AUTS2: variants seen among roughly 807,000 people sequenced by gnomAD.
The protein encoded by AUTS2 is autism susceptibility gene 2 protein.
Under a neutral mutation model 112.4 loss-of-function variants are expected in AUTS2, and 17 were observed. The observed-to-expected ratio is 0.15, with a 90% CI of 0.10 to 0.23. The LOEUF is 0.23. Ranked by LOEUF, AUTS2 falls within the 10% of genes least tolerant of loss-of-function variation. The pLI, the probability that AUTS2 is intolerant of heterozygous loss-of-function variation, is 1.00. For synonymous variants in AUTS2, 751 were observed against 702.7 expected (o/e 1.07, Z -1.09); for missense variants, 1,510 against 1,701.6 (o/e 0.89, Z 1.98).
At chr7:69,778,246 AT>A (rs67736075) in intron 1 of AUTS2, among the ~76,000 whole-genome samples, 1,737 of 128,084 alleles carry the variant, frequency 0.014, 25 homozygotes, top group African/African-American at 0.035. Context: ...ATATATATAT[AT>A]TTTTTTTTTT....
chr7:70,050,082 C>T lies in AUTS2; in HGVS notation c.523-68050C>T, dbSNP rs149083675. On this transcript the variant is annotated intron_variant, in intron 2 of 18. Transcript: ENST00000342771. ...TTAGAAGTAGACTTTTCTGGCCAGG[C>T]GCGGTGGCTCATGCCTCTAATCTCA... Among the ~76,000 whole-genome samples the T allele has an allele frequency of 6.2e-3, 946 of 152,004 alleles. 9 individuals are homozygous for T. Among genetic ancestry groups the T allele is most frequent in the East Asian group, 0.017 (88 of 5,154 alleles).
chr7:70,237,568 A>G (rs912401438), intron 4 of AUTS2, among the ~76,000 whole-genome samples: 1 of 152,204 alleles, frequency 6.6e-6, no homozygotes, highest in African/African-American at 2.4e-5. Flanking sequence ...TACCTTCAAA[A>G]TACCAAATCT....
chr7:70,370,750 A>G (rs534142802), intron 4 of AUTS2, among the ~76,000 whole-genome samples: 81 of 152,328 alleles, frequency 5.3e-4, no homozygotes, highest in African/African-American at 1.9e-3. Context: ...AGTAATTGCC[A>G]GACCATTTGC....
intron 5 of AUTS2, among the ~76,000 whole-genome samples, chr7:70,651,277 A>G (rs1412418007): frequency 6.6e-6 from 1 of 152,212 alleles, no homozygotes; most frequent in Non-Finnish European, 1.5e-5. Flanking sequence ...GGACCCAGGT[A>G]ATGTGGCTTC....
chr7:70,180,322 G>A (rs1809229228), intron 4 of AUTS2, among the ~76,000 whole-genome samples: 1 of 152,182 alleles, frequency 6.6e-6, no homozygotes, highest in Admixed American at 6.5e-5. Flanking sequence ...TTTGAAGAAG[G>A]ATGAATGTAG....
chr7:70,790,332 G>C lies in AUTS2; in HGVS notation c.3116G>C (p.Ser1039Thr), dbSNP rs771535030. The stretch of plus-strand genomic sequence containing the variant: ...ATTCACCCCATGAACAGCATCAGCA[G>C]CCTGGACAGGACTCGCATGATGACC... ...TGIHPMNSIS[S>T]LDRTRMMTPF... is the part of the protein sequence containing the mutation. The change falls in exon 19 of 19, where the codon AGC (serine) becomes ACC (threonine). Residue 1039 changes from serine to threonine, a missense_variant. Transcript: ENST00000342771. This position sits in a 1 kb window ranked among gnomAD's most constrained non-coding sequence, Gnocchi z 7.6. The C allele has an allele frequency of 6.2e-7, 1 of 1,613,794 alleles. No individual in the cohort carries two copies.
chr7:70,416,374 T>C (rs1449436387), intron 4 of AUTS2, among the ~76,000 whole-genome samples: 1 of 152,192 alleles, frequency 6.6e-6, no homozygotes, highest in East Asian at 1.9e-4. Flanking sequence ...AGTCCCCCAC[T>C]AGTGAGCACC....
chr7:69,730,384 T>G (rs923276457), intron 1 of AUTS2, among the ~76,000 whole-genome samples: 1 of 152,122 alleles, frequency 6.6e-6, no homozygotes. Flanking sequence ...ATCAATTCTG[T>G]CCCCACCTGC....
At chr7:70,052,857 A>G (rs1801818073) in intron 2 of AUTS2, among the ~76,000 whole-genome samples, 1 of 152,182 alleles carries the variant, frequency 6.6e-6, no homozygotes, top group Admixed American at 6.5e-5. Context: ...TTAGAGTCAC[A>G]GCCAGGATTA....
intron 2 of AUTS2, among the ~76,000 whole-genome samples, chr7:70,072,456 G>A (rs998067021): frequency 6.6e-6 from 1 of 152,172 alleles, no homozygotes; most frequent in Non-Finnish European, 1.5e-5. Context: ...GGTTTCTCTC[G>A]TTTTCCATTT....
At chr7:69,914,342 G>GACACAC (rs372734634) in intron 2 of AUTS2, among the ~76,000 whole-genome samples, 23 of 85,648 alleles carry the variant, frequency 2.7e-4, no homozygotes, top group Non-Finnish European at 4.4e-4. Flanking sequence ...CACAGACACA[G>GACACAC]ACACACACAC....
At chr7:70,175,111 CAAAATACCAA>C (rs1562763655) in intron 4 of AUTS2, among the ~76,000 whole-genome samples, 2 of 152,074 alleles carry the variant, frequency 1.3e-5, no homozygotes, top group Non-Finnish European at 2.9e-5. Flanking sequence ...AGGAGGAAAT[CAAAATACCAA>C]CATGAACAGG....
At chr7:70,398,034 C>A (rs563796415) in intron 4 of AUTS2, among the ~76,000 whole-genome samples, 1 of 152,164 alleles carries the variant, frequency 6.6e-6, no homozygotes, top group Non-Finnish European at 1.5e-5. Flanking sequence ...AAAGTGTTCC[C>A]GCACTGCTTA....
intron 2 of AUTS2, among the ~76,000 whole-genome samples, chr7:70,075,581 C>G (rs992978668): frequency 2.3e-4 from 35 of 152,120 alleles, no homozygotes; most frequent in African/African-American, 8.0e-4. Context: ...ATATGAAACC[C>G]TGTGTCTAGA....
intron 4 of AUTS2, among the ~76,000 whole-genome samples, chr7:70,236,383 A>G (rs1235308494): frequency 6.6e-6 from 1 of 152,212 alleles, no homozygotes; most frequent in Non-Finnish European, 1.5e-5. Flanking sequence ...ATTGGTGAGT[A>G]TATGTGACCT....
At chr7:70,738,679 G>A (rs6460551) in intron 6 of AUTS2, among the ~76,000 whole-genome samples, 10,022 of 152,132 alleles carry the variant, frequency 0.066, 451 homozygotes, top group Middle Eastern at 0.13. Context: ...CCCCAATCCC[G>A]GAGGAGCGGT....
chr7:69,617,012 T>C (rs181712019), intron 1 of AUTS2, among the ~76,000 whole-genome samples: 1 of 152,296 alleles, frequency 6.6e-6, no homozygotes, highest in African/African-American at 2.4e-5. Flanking sequence ...TAGATATCTA[T>C]TTTAATGGAG....
At chr7:70,405,451 C>T (rs1408771538) in intron 4 of AUTS2, among the ~76,000 whole-genome samples, 1 of 152,202 alleles carries the variant, frequency 6.6e-6, no homozygotes, top group Non-Finnish European at 1.5e-5. Flanking sequence ...CAAGCTTTTA[C>T]ATTCCATCAG....
At chr7:70,358,364 C>G (rs754329896) in intron 4 of AUTS2, among the ~76,000 whole-genome samples, 1 of 152,258 alleles carries the variant, frequency 6.6e-6, no homozygotes, top group Non-Finnish European at 1.5e-5. Context: ...CAAGCATACA[C>G]ATGGAGGCCC....
Sources: allele counts gnomAD v4.1 joint callset (sites outside exome capture counted in the v4.1 genomes callset), GRCh38; gene constraint gnomAD v4.1.1; non-coding constraint Gnocchi (gnomAD v3.1); transcripts MANE v1.5; gene names NCBI Gene and HGNC (gene_info 2026-07-23, HGNC 2026-07-21).